SYNE1: variants seen among roughly 807,000 people sequenced by gnomAD.
SYNE1 encodes the protein nesprin-1.
Under a neutral mutation model 1,111.0 loss-of-function variants are expected in SYNE1, and 616 were observed. That is an observed-to-expected ratio of 0.55 (90% confidence interval 0.52 to 0.59). The LOEUF is 0.59. Among genes scored for constraint, SYNE1 ranks in the 20% least tolerant of loss-of-function variants. The pLI, the probability that SYNE1 is intolerant of heterozygous loss-of-function variation, is 0.00. For synonymous variants in SYNE1, 3,855 were observed against 3,825.8 expected (o/e 1.01, Z -0.28); for missense variants, 10,006 against 10,417.0 (o/e 0.96, Z 1.72).
intron 87 of SYNE1, among the ~76,000 whole-genome samples, chr6:152,313,464 CTTTTTTTTT>C (rs35627993): frequency 7.4e-5 from 10 of 135,638 alleles, no homozygotes; most frequent in African/African-American, 2.2e-4. Context: ...ATTTTCTTTT[CTTTTTTTTT>C]TTTTTTTTGA....
intron 84 of SYNE1, among the ~76,000 whole-genome samples, chr6:152,320,471 G>T (rs4472361): frequency 0.78 from 118,024 of 152,058 alleles, 46,612 homozygotes; most frequent in East Asian, 0.95. Flanking sequence ...TCATATAGAA[G>T]GGTTTTCATT....
At chr6:152,186,573 AAAAAAAAAAAAAAAAAAAAAAAAG>A (rs1182842537) in intron 128 of SYNE1, among the ~76,000 whole-genome samples, 2 of 141,988 alleles carry the variant, frequency 1.4e-5, no homozygotes, top group African/African-American at 2.6e-5. Context: ...AAAAAAAAAA[AAAAAAAAAAAAAAAAAAAAAAAAG>A]AAGAAGAAGA....
chr6:152,202,346 C>CAAAAAAAAAAAAAAAAAAAAAAAA (rs35563822), intron 126 of SYNE1, among the ~76,000 whole-genome samples: 5 of 48,060 alleles, frequency 1.0e-4, no homozygotes, highest in Non-Finnish European at 2.0e-4. Flanking sequence ...GACTCTGTCT[C>CAAAAAAAAAAAAAAAAAAAAAAAA]AAAAAAAAAA....
intron 3 of SYNE1, among the ~76,000 whole-genome samples, chr6:152,569,486 AT>A (rs527249561): frequency 1.3e-5 from 2 of 152,284 alleles, no homozygotes; most frequent in South Asian, 2.1e-4. Flanking sequence ...TTAAATTTAG[AT>A]TTTTTTAAGT....
rs563486810 is a variant in SYNE1 at position 152,322,692 on chromosome 6, C to T, written c.15917+786G>A. Among the ~76,000 whole-genome samples, 185 of 152,284 alleles carry T rather than the reference C, an allele frequency of 1.2e-3. 1 individual carries two copies. The highest frequency in any genetic ancestry group is 3.0e-3 in the Admixed American group (46 of 15,302). On this transcript the variant is annotated intron_variant, in intron 82 of 145. Coordinates refer to ENST00000367255, the MANE Select transcript of SYNE1 (RefSeq NM_182961.4). ...GCTTCATTTCTCTTGAATCACCCTT[C>T]CCCTCCCCGCATCACCCAAGGAGCT...
chr6:152,244,404 G>C, intron 106 of SYNE1, 133 bp downstream of exon 106: 1 of 1,374,744 alleles, frequency 7.3e-7, no homozygotes, highest in Non-Finnish European at 1.0e-6. Context: ...TTTTCTAAGA[G>C]TTGCTTGGTA....
chr6:152,483,837 G>C (rs771388668), intron 13 of SYNE1, among the ~76,000 whole-genome samples: 5 of 151,798 alleles, frequency 3.3e-5, no homozygotes, highest in Non-Finnish European at 5.9e-5. Context: ...GGAAAGCCAG[G>C]TGGGATGAGT....
At position 152,368,382 on chromosome 6, in the gene SYNE1, A is replaced by G. The variant is rs190297091; in HGVS notation, c.9807+590T>C. 282 of 153,692 alleles carry G rather than the reference A, an allele frequency of 1.8e-3. 4 individuals are homozygous for G. Among genetic ancestry groups the G allele is most frequent in the Admixed American group, 0.017 (257 of 15,534 alleles). 9.5% of individuals were successfully genotyped at this position (153,692 alleles called of 1,614,324 possible). A position where few individuals can be genotyped will look rare whatever the true frequency, so the allele number is the denominator to read the frequency against. On this transcript the variant is annotated intron_variant, in intron 61 of 145. Coordinates refer to ENST00000367255, the MANE Select transcript of SYNE1 (RefSeq NM_182961.4). ...GATTCCATTTATTTTCTTCTAAGCT[A>G]TTTGAAAAGAGGTTTAATCAGTTGT... is the stretch of plus-strand genomic sequence containing the variant.
rs192173673 is a variant in SYNE1, at chr6:152,242,137, T to A, written c.19893+103A>T. 1.9e-3 allele frequency: 2,139 copies of A among 1,149,666 alleles called. 4 individuals are homozygous for A. The highest frequency in any genetic ancestry group is 2.5e-3 in the Non-Finnish European group (1,939 of 775,920). 71.2% of individuals were successfully genotyped at this position (1,149,666 alleles called of 1,614,324 possible). A position where few individuals can be genotyped will look rare whatever the true frequency, so the allele number is the denominator to read the frequency against. ...AAGAATAACTTATACAAGTAAGAAC[T>A]CATAAAAGACTGAGAATATTAGGTT... is the stretch of plus-strand genomic sequence containing the variant. On this transcript the variant is annotated intron_variant, in intron 107 of 145. Coordinates refer to ENST00000367255, the MANE Select transcript of SYNE1 (RefSeq NM_182961.4).
chr6:152,324,382 G>C (rs986096498), intron 81 of SYNE1, among the ~76,000 whole-genome samples: 1 of 152,194 alleles, frequency 6.6e-6, no homozygotes, highest in African/African-American at 2.4e-5. Context: ...CTGGGCGACA[G>C]AGCAAGACTC....
At chr6:152,534,403 A>G (rs1056399410) in intron 4 of SYNE1, among the ~76,000 whole-genome samples, 11 of 152,114 alleles carry the variant, frequency 7.2e-5, no homozygotes, top group Admixed American at 7.2e-4. Context: ...TTAATTACAT[A>G]TTTGGAAATA....
intron 16 of SYNE1, among the ~76,000 whole-genome samples, chr6:152,468,702 G>A (rs971859538): frequency 1.3e-5 from 2 of 152,104 alleles, no homozygotes; most frequent in African/African-American, 2.4e-5. Flanking sequence ...ATATAATTAC[G>A]GAAAATTTAT....
intron 128 of SYNE1, among the ~76,000 whole-genome samples, chr6:152,187,249 T>G (rs2070435351): frequency 6.6e-6 from 1 of 152,214 alleles, no homozygotes; most frequent in South Asian, 2.1e-4. Flanking sequence ...GAGTTTTCTG[T>G]TGGCCCACGG....
rs568215952 is a variant in SYNE1 at position 152,169,333 on chromosome 6, T to G, written c.23628-5008A>C. 3.1e-4 allele frequency among the ~76,000 whole-genome samples: 47 copies of G among 151,778 alleles called. No homozygotes were observed. The South Asian group carries it at 9.6e-3, about 31-fold the overall frequency. On this transcript the variant is annotated intron_variant, in intron 130 of 145. Coordinates refer to ENST00000367255, the MANE Select transcript of SYNE1 (RefSeq NM_182961.4). ...ATCCCAGCACTTTGGGAGGCTGAGGTTGGTGGATCACAAGGTCAGGAGATC... is the reference window on the plus strand; with the variant it reads ...ATCCCAGCACTTTGGGAGGCTGAGGGTGGTGGATCACAAGGTCAGGAGATC...
intron 109 of SYNE1, 152 bp from the exon 110 acceptor site, chr6:152,236,455 T>C: frequency 3.0e-6 from 2 of 677,316 alleles, no homozygotes; most frequent in South Asian, 3.7e-5. Context: ...TTAAGATGTT[T>C]CATCTATATT....
At position 152,269,298 on chromosome 6, in the gene SYNE1, G is replaced by A. The variant is rs760388037; in HGVS notation, c.18574-12C>T. The A allele has an allele frequency of 3.1e-6, 5 of 1,613,872 alleles. No individual in the cohort carries two copies. The highest frequency in any genetic ancestry group is 4.5e-5 in the East Asian group (2 of 44,884). On this transcript the variant is annotated splice_polypyrimidine_tract_variant and intron_variant, in intron 98 of 145. Coordinates refer to ENST00000367255, the MANE Select transcript of SYNE1 (RefSeq NM_182961.4). Reference sequence around the variant, plus strand: ...TCCTGTGCTGTTCCCTGCTTTTAACGAGGCAGAAATCAAGTCATGCTACAC... The same window carrying A: ...TCCTGTGCTGTTCCCTGCTTTTAACAAGGCAGAAATCAAGTCATGCTACAC...
chr6:152,432,849 G>A (rs1185165122), intron 34 of SYNE1, among the ~76,000 whole-genome samples: 1 of 151,880 alleles, frequency 6.6e-6, no homozygotes, highest in Non-Finnish European at 1.5e-5. Flanking sequence ...TATTTTTCCT[G>A]GTATACCAAA....
At chr6:152,206,572 T>C (rs2076549242) in intron 125 of SYNE1, among the ~76,000 whole-genome samples, 2 of 152,142 alleles carry the variant, frequency 1.3e-5, no homozygotes, top group Non-Finnish European at 1.5e-5. Flanking sequence ...GTACGATTGA[T>C]GTAATAAGAT....
At chr6:152,319,850 A>T (rs1043700687) in intron 84 of SYNE1, 1 of 141,552 alleles carries the variant, frequency 7.1e-6, no homozygotes, top group Non-Finnish European at 1.6e-5. Flanking sequence ...AACTAAAAAA[A>T]CAAACAAACA....
Sources: gnomAD v4.1 joint callset for allele counts (sites outside exome capture counted in the v4.1 genomes callset) on GRCh38, gnomAD v4.1.1 for gene constraint, MANE v1.5 for transcripts, NCBI Gene and HGNC (gene_info 2026-07-23, HGNC 2026-07-21) for gene names.